CFAP97D2: variants seen among roughly 807,000 people sequenced by gnomAD.
CFAP97D2 encodes the protein CFAP97 domain containing 2, also known as uncharacterized protein CFAP97D2.
intron 4 of CFAP97D2, among the ~76,000 whole-genome samples, chr13:114,212,429 G>T (rs919517035): frequency 6.6e-6 from 1 of 152,164 alleles, no homozygotes; most frequent in Non-Finnish European, 1.5e-5. Flanking sequence ...TTAACATCAG[G>T]TTGGCCAGGC....
chr13:114,195,956 G>A lies in CFAP97D2; in HGVS notation c.91-440G>A, dbSNP rs1298735144. On this transcript the variant is annotated intron_variant, in intron 1 of 4. Transcript: ENST00000646158. ...AAACTAGCTGGGCATGGTGGCGGGC[G>A]CCTGTAGTCCCAGCTACTCGGGAGG... Among the ~76,000 whole-genome samples, 4 of 151,226 alleles carry A rather than the reference G, an allele frequency of 2.6e-5. No individual in the cohort carries two copies. The East Asian group carries it at 5.8e-4, about 22-fold the overall frequency.
intron 3 of CFAP97D2, among the ~76,000 whole-genome samples, chr13:114,210,855 T>TACACAC (rs34230424): frequency 0.13 from 19,469 of 144,820 alleles, 1,347 homozygotes; most frequent in African/African-American, 0.16. Flanking sequence ...ATTTCATTGA[T>TACACAC]ACACACACAC....
intron 3 of CFAP97D2, among the ~76,000 whole-genome samples, chr13:114,204,622 G>A (rs74116824): frequency 0.013 from 1,991 of 152,178 alleles, 48 homozygotes; most frequent in African/African-American, 0.045. Flanking sequence ...CAACTCTATC[G>A]CCACATGCAA....
intron 1 of CFAP97D2, among the ~76,000 whole-genome samples, chr13:114,182,590 G>A (rs200873423): frequency 6.6e-6 from 1 of 152,186 alleles, no homozygotes; most frequent in Non-Finnish European, 1.5e-5. Context: ...CCGCTTTCAA[G>A]GGCAGAGGTC....
chr13:114,212,452 G>A lies in CFAP97D2; in HGVS notation c.480+351G>A, dbSNP rs527781089. On this transcript the variant is annotated intron_variant, in intron 4 of 4. Transcript: ENST00000646158. ...AGGTTGGCCAGGCGCAGTGGCTCAC[G>A]TCTATAACCCCCAGCACTTTGGGAG... is the stretch of plus-strand genomic sequence containing the variant. 9.2e-5 allele frequency among the ~76,000 whole-genome samples: 14 copies of A among 152,252 alleles called. 1 individual carries two copies. The South Asian group carries it at 2.7e-3, about 29-fold the overall frequency.
intron 2 of CFAP97D2, among the ~76,000 whole-genome samples, chr13:114,198,403 G>A (rs370388932): frequency 6.6e-6 from 1 of 152,238 alleles, no homozygotes; most frequent in African/African-American, 2.4e-5. Context: ...CCTAAAACAA[G>A]AGGCAGATTC....
At chr13:114,202,145 G>T (rs117559617) in intron 3 of CFAP97D2, among the ~76,000 whole-genome samples, 1 of 152,340 alleles carries the variant, frequency 6.6e-6, no homozygotes, top group South Asian at 2.1e-4. Context: ...TTAGCATAAC[G>T]TTGAGTAGTG....
intron 3 of CFAP97D2, among the ~76,000 whole-genome samples, chr13:114,208,274 T>G (rs2080950414): frequency 6.6e-6 from 1 of 152,264 alleles, no homozygotes; most frequent in African/African-American, 2.4e-5. Flanking sequence ...GTTGTTGCTA[T>G]TAGCTTCTTC....
At chr13:114,205,370 G>A (rs1012369937) in intron 3 of CFAP97D2, among the ~76,000 whole-genome samples, 5 of 152,132 alleles carry the variant, frequency 3.3e-5, no homozygotes, top group African/African-American at 9.7e-5. Flanking sequence ...ATGTCTACAC[G>A]AAAACATATA....
At chr13:114,181,894 G>A (rs528202208) in intron 1 of CFAP97D2, among the ~76,000 whole-genome samples, 5 of 150,134 alleles carry the variant, frequency 3.3e-5, no homozygotes, top group Admixed American at 2.0e-4. Context: ...TGACCCCTCA[G>A]CCAGGCTGGC....
rs940713356 is a variant in CFAP97D2, at chr13:114,211,147, T to C, written c.291-765T>C. Reference sequence around the variant, plus strand: ...TCAGCCCTAACCCTGGTGGGTTCTTTACTTCGTGCTCCTCTGTGCTCCACA... The same window carrying C: ...TCAGCCCTAACCCTGGTGGGTTCTTCACTTCGTGCTCCTCTGTGCTCCACA... On this transcript the variant is annotated intron_variant, in intron 3 of 4. Transcript: ENST00000646158. The surrounding 1 kb of genome is among the most constrained non-coding windows in gnomAD (Gnocchi z 4.2). 1.3e-5 allele frequency among the ~76,000 whole-genome samples: 2 copies of C among 152,194 alleles called. No individual in the cohort carries two copies. Among genetic ancestry groups the C allele is most frequent in the Non-Finnish European group, 2.9e-5 (2 of 68,040 alleles).
chr13:114,214,495 T>C (rs1415812099), intron 4 of CFAP97D2, among the ~76,000 whole-genome samples: 1 of 152,214 alleles, frequency 6.6e-6, no homozygotes, highest in Non-Finnish European at 1.5e-5. Context: ...GGGAGTCTTC[T>C]CTTGGATGGC....
At chr13:114,194,371 T>C (rs1293125124) in intron 1 of CFAP97D2, among the ~76,000 whole-genome samples, 1 of 152,114 alleles carries the variant, frequency 6.6e-6, no homozygotes, top group Non-Finnish European at 1.5e-5. Context: ...ATCAGCAAAA[T>C]CCAGACTCAG....
Position 114,186,463 on chromosome 13 carries a change from T to A in CFAP97D2, c.90+7043T>A, listed in dbSNP as rs977053613. 6.6e-6 allele frequency among the ~76,000 whole-genome samples: 1 copy of A among 152,158 alleles called. No individual in the cohort carries two copies. Among genetic ancestry groups the A allele is most frequent in the Non-Finnish European group, 1.5e-5 (1 of 68,022 alleles). ...ATGCAGGACAAGAACTTGGGACCCATCAAGTGGTGGGGCTAAAAGAGCTGC... is the reference window on the plus strand; with the variant it reads ...ATGCAGGACAAGAACTTGGGACCCAACAAGTGGTGGGGCTAAAAGAGCTGC... On this transcript the variant is annotated intron_variant, in intron 1 of 4. Transcript: ENST00000646158. The surrounding 1 kb of genome is among the most constrained non-coding windows in gnomAD (Gnocchi z 4.3).
At chr13:114,213,144 T>C (rs1156604372) in intron 4 of CFAP97D2, among the ~76,000 whole-genome samples, 1 of 152,204 alleles carries the variant, frequency 6.6e-6, no homozygotes. Context: ...GCTTTACCTG[T>C]ATATATAACC....
chr13:114,197,137 G>A (rs2080891936), intron 2 of CFAP97D2, among the ~76,000 whole-genome samples: 1 of 152,194 alleles, frequency 6.6e-6, no homozygotes, highest in African/African-American at 2.4e-5. Flanking sequence ...GCCAGACTAA[G>A]TAAATTCTCT....
chr13:114,205,148 C>A (rs928904747), intron 3 of CFAP97D2, among the ~76,000 whole-genome samples: 4 of 152,222 alleles, frequency 2.6e-5, no homozygotes, highest in Non-Finnish European at 5.9e-5. Context: ...ATCAGATTGA[C>A]TGGAATCAAA....
chr13:114,182,273 A>C (rs1023287620), intron 1 of CFAP97D2, among the ~76,000 whole-genome samples: 5 of 151,994 alleles, frequency 3.3e-5, no homozygotes, highest in African/African-American at 1.2e-4. Flanking sequence ...CAAACATCTC[A>C]GTGGAGTAAA....
chr13:114,182,137 A>G lies in CFAP97D2; in HGVS notation c.90+2717A>G, dbSNP rs189611541. 6.4e-4 allele frequency among the ~76,000 whole-genome samples: 94 copies of G among 146,876 alleles called. 2 individuals are homozygous for G. The highest frequency in any genetic ancestry group is 6.9e-3 in the Middle Eastern group (2 of 290). ...TCAGCAAAAAGGAAAGTAGTAGGAG[A>G]GCAGGGTGATAATAAGGAGAAGGTC... On this transcript the variant is annotated intron_variant, in intron 1 of 4. Transcript: ENST00000646158.
Sources: allele counts gnomAD v4.1 joint callset (sites outside exome capture counted in the v4.1 genomes callset), GRCh38; gene constraint gnomAD v4.1.1; non-coding constraint Gnocchi (gnomAD v3.1); transcripts MANE v1.5; gene names NCBI Gene and HGNC (gene_info 2026-07-23, HGNC 2026-07-21).